Variants in SLC39A8 observed in about 807,000 individuals in gnomAD.
SLC39A8 encodes metal cation symporter ZIP8.
In SLC39A8, 15 loss-of-function variants were observed where a neutral mutation model predicts 40.4. That is an observed-to-expected ratio of 0.37 (90% CI 0.25 to 0.57). SLC39A8 has a LOEUF of 0.57. Ranked by LOEUF, SLC39A8 falls within the 20% of genes least tolerant of loss-of-function variation. The probability of loss-of-function intolerance (pLI) is 0.75; values close to 1 mark genes in which losing one functional copy is unlikely to be tolerated. For synonymous variants in SLC39A8, 223 were observed against 221.6 expected (o/e 1.01, Z -0.06); for missense variants, 472 against 558.8 (o/e 0.84, Z 1.57).
chr4:102,290,634 G>T (rs969399893), intron 6 of SLC39A8, among the ~76,000 whole-genome samples: 2 of 151,820 alleles, frequency 1.3e-5, no homozygotes, highest in African/African-American at 4.9e-5. Flanking sequence ...GGTTGAGTTT[G>T]TAGGTGTGAA....
chr4:102,274,188 AC>A (rs1732503540), intron 6 of SLC39A8, among the ~76,000 whole-genome samples: 1 of 152,166 alleles, frequency 6.6e-6, no homozygotes, highest in African/African-American at 2.4e-5. Context: ...AATGTAAGGA[AC>A]CTAAGAACCT....
chr4:102,303,952 A>C (rs192944862), intron 6 of SLC39A8, among the ~76,000 whole-genome samples: 7 of 152,054 alleles, frequency 4.6e-5, no homozygotes, highest in African/African-American at 1.7e-4. Flanking sequence ...TTGCAATTTC[A>C]AAATCAATCA....
At chr4:102,305,608 C>A (rs1233395005) in intron 4 of SLC39A8, among the ~76,000 whole-genome samples, 1 of 151,958 alleles carries the variant, frequency 6.6e-6, no homozygotes, top group Non-Finnish European at 1.5e-5. Flanking sequence ...CTTATACCTA[C>A]AGAACTGTGA....
chr4:102,312,685 A>G (rs1734483864), intron 3 of SLC39A8, among the ~76,000 whole-genome samples: 3 of 152,138 alleles, frequency 2.0e-5, no homozygotes, highest in African/African-American at 7.2e-5. Flanking sequence ...TATTTAACAG[A>G]CCTAACTAAC....
chr4:102,326,966 A>C (rs1342395144), intron 2 of SLC39A8, among the ~76,000 whole-genome samples: 1 of 152,222 alleles, frequency 6.6e-6, no homozygotes. Flanking sequence ...TACCAAAAAA[A>C]CAAAAACAAA....
At chr4:102,284,791 T>C (rs528543399) in intron 6 of SLC39A8, among the ~76,000 whole-genome samples, 7 of 152,118 alleles carry the variant, frequency 4.6e-5, no homozygotes, top group Admixed American at 4.6e-4. Context: ...TTCTACTTTC[T>C]AAATGGAAAT....
At chr4:102,263,701 A>G (rs1352493031) in intron 8 of SLC39A8, among the ~76,000 whole-genome samples, 1 of 152,222 alleles carries the variant, frequency 6.6e-6, no homozygotes, top group Non-Finnish European at 1.5e-5. Context: ...TACCCACAGT[A>G]GAAATTATTT....
chr4:102,302,892 T>C (rs1452701843), intron 6 of SLC39A8, among the ~76,000 whole-genome samples: 6 of 151,988 alleles, frequency 3.9e-5, no homozygotes, highest in African/African-American at 1.4e-4. Context: ...TTGCAAACTC[T>C]TGGCTGAAAG....
In SLC39A8 at chr4:102,315,692, T is replaced by C. The variant is rs1177583212; in HGVS notation, c.358A>G (p.Lys120Glu). 6.2e-7 allele frequency: 1 copy of C among 1,611,636 alleles called. No individual in the cohort carries two copies. The highest frequency in any genetic ancestry group is 1.3e-5 in the African/African-American group (1 of 74,932). The change falls in exon 3 of 9, where the codon AAA becomes GAA. Residue 120 changes from lysine to glutamate, a missense_variant. Around this residue, in one of 4 missense-constraint regions of SLC39A8, gnomAD observed 175 missense variants for 160.5 expected, o/e 1.09. Coordinates refer to ENST00000356736, the MANE Select transcript of SLC39A8 (RefSeq NM_001135146.2). ...FHPCEDRPKH[K>E]TRPSHSEVWG... ...CCTTCTGAATGACTTGGTCTTGTTTTGTGCTTGGGCCGATCCTCACATGGG... is the reference window on the plus strand; with the variant it reads ...CCTTCTGAATGACTTGGTCTTGTTTCGTGCTTGGGCCGATCCTCACATGGG...
At chr4:102,303,512 C>T (rs1734004618) in intron 6 of SLC39A8, among the ~76,000 whole-genome samples, 1 of 151,856 alleles carries the variant, frequency 6.6e-6, no homozygotes, top group South Asian at 2.1e-4. Flanking sequence ...CTGCTAGTGG[C>T]TATGTATCCC....
At chr4:102,313,547 A>T (rs1470664215) in intron 3 of SLC39A8, among the ~76,000 whole-genome samples, 1 of 151,918 alleles carries the variant, frequency 6.6e-6, no homozygotes, top group Non-Finnish European at 1.5e-5. Flanking sequence ...TACTCTCTTT[A>T]TCTATCTATA....
intron 6 of SLC39A8, among the ~76,000 whole-genome samples, chr4:102,277,779 A>T (rs1220140419): frequency 6.6e-6 from 1 of 152,208 alleles, no homozygotes; most frequent in Non-Finnish European, 1.5e-5. Flanking sequence ...TACTGGTACC[A>T]AAACAGATAT....
At position 102,306,959 on chromosome 4, in the gene SLC39A8, G is replaced by A. The variant is rs564937515; in HGVS notation, c.552+477C>T. Among the ~76,000 whole-genome samples the A allele has an allele frequency of 8.3e-4, 127 of 152,152 alleles. No individual in the cohort carries two copies. The Middle Eastern group carries it at 0.024, about 29-fold the overall frequency. Reference sequence around the variant, plus strand: ...ACAGTTGGAAAAAATGAAAAGGTTTGTCAACCATGCTCTCATTTACTCTCT... The same window carrying A: ...ACAGTTGGAAAAAATGAAAAGGTTTATCAACCATGCTCTCATTTACTCTCT... On this transcript the variant is annotated intron_variant, in intron 4 of 8. Coordinates refer to ENST00000356736, the MANE Select transcript of SLC39A8 (RefSeq NM_001135146.2).
downstream of SLC39A8, among the ~76,000 whole-genome samples, chr4:102,261,477 A>G (rs1449471780): frequency 6.6e-6 from 1 of 152,212 alleles, no homozygotes; most frequent in East Asian, 1.9e-4. Context: ...AATACTATTC[A>G]GAGACTATTA....
intron 3 of SLC39A8, among the ~76,000 whole-genome samples, chr4:102,313,357 G>A (rs1321285718): frequency 6.6e-6 from 1 of 152,094 alleles, no homozygotes; most frequent in Non-Finnish European, 1.5e-5. Flanking sequence ...GTACTTCAAA[G>A]AGTGCCTGTC....
At chr4:102,275,588 T>A (rs572986716) in intron 6 of SLC39A8, among the ~76,000 whole-genome samples, 3 of 152,148 alleles carry the variant, frequency 2.0e-5, no homozygotes, top group African/African-American at 7.2e-5. Flanking sequence ...GACAGAAAAT[T>A]AACAAGGATA....
At chr4:102,293,576 T>C (rs28727491) in intron 6 of SLC39A8, among the ~76,000 whole-genome samples, 5,155 of 152,034 alleles carry the variant, frequency 0.034, 316 homozygotes, top group African/African-American at 0.12. Context: ...ATAGCAGTAA[T>C]AATCAACTAG....
chr4:102,341,626 G>A (rs1273051116), intron 2 of SLC39A8, among the ~76,000 whole-genome samples: 2 of 152,122 alleles, frequency 1.3e-5, no homozygotes, highest in African/African-American at 2.4e-5. Context: ...CTAACTCTTC[G>A]CACTGTCAGT....
At position 102,304,402 on chromosome 4, in the gene SLC39A8, T is replaced by C. The variant is rs773250150; in HGVS notation, c.755A>G (p.Asn252Ser). ...AGGATTTGCATAGCATGTCACACCATTGATGGCAGGTAATGCTTTAGGTTG... is the reference window on the plus strand; with the variant it reads ...AGGATTTGCATAGCATGTCACACCACTGATGGCAGGTAATGCTTTAGGTTG... ...THQPKALPAI[N>S]GVTCYANPAV... is the part of the protein sequence containing the mutation. The change falls in exon 6 of 9, where the codon AAT becomes AGT. Residue 252 changes from asparagine to serine, a missense_variant. Asn to Ser is a conservative substitution (Grantham distance 46, BLOSUM62 1). Around this residue, in one of 4 missense-constraint regions of SLC39A8, gnomAD observed 239 missense variants for 317.9 expected, o/e 0.75. Transcript: ENST00000356736. 3 of 1,611,716 alleles carry C rather than the reference T, an allele frequency of 1.9e-6. No individual in the cohort carries two copies. Among genetic ancestry groups the C allele is most frequent in the Admixed American group, 1.7e-5 (1 of 59,824 alleles).
Sources: gnomAD v4.1 joint callset for allele counts (sites outside exome capture counted in the v4.1 genomes callset) on GRCh38, gnomAD v4.1.1 for gene constraint, gnomAD v4.1.1 regional missense constraint, MANE v1.5 for transcripts, NCBI Gene and HGNC (gene_info 2026-07-23, HGNC 2026-07-21) for gene names.